The following BMPR2 variants were observed in gnomAD, a reference collection of about 807,000 sequenced individuals.
The protein encoded by BMPR2 is bone morphogenetic protein receptor type-2.
In BMPR2, 29 loss-of-function variants were observed where a neutral mutation model predicts 100.8. The observed-to-expected ratio is 0.29, with a 90% CI of 0.21 to 0.39. The LOEUF (loss-of-function observed/expected upper bound fraction) is 0.39. Ranked by LOEUF, BMPR2 falls within the 10% of genes least tolerant of loss-of-function variation. The pLI is 1.00. For synonymous variants in BMPR2, 382 were observed against 442.3 expected (o/e 0.86, Z 1.71); for missense variants, 1,011 against 1,274.5 (o/e 0.79, Z 3.15).
chr2:202,494,098 C>T (rs1375179057), intron 3 of BMPR2, among the ~76,000 whole-genome samples: 1 of 152,148 alleles, frequency 6.6e-6, no homozygotes, highest in Non-Finnish European at 1.5e-5. Context: ...ACGTTTATTT[C>T]CTATAAAAAC....
intron 7 of BMPR2, among the ~76,000 whole-genome samples, chr2:202,523,709 C>A (rs1003196906): frequency 5.3e-5 from 8 of 152,116 alleles, no homozygotes; most frequent in African/African-American, 1.9e-4. Context: ...GAGGCTGAGG[C>A]AGGAGAATCT....
At chr2:202,478,587 C>T (rs1045876244) in intron 3 of BMPR2, among the ~76,000 whole-genome samples, 1 of 152,036 alleles carries the variant, frequency 6.6e-6, no homozygotes, top group South Asian at 2.1e-4. Context: ...CACTCTACTG[C>T]ACTCCAGGTG....
In BMPR2 at chr2:202,555,469, G is replaced by A; in HGVS notation, c.1804G>A (p.Glu602Lys). The change falls in exon 12 of 13, where the codon GAA (glutamate) becomes AAA (lysine). Residue 602 changes from glutamate to lysine, a missense_variant. This residue lies in a region of BMPR2 where 508 missense variants were observed against 552.0 expected (regional missense o/e 0.92). Coordinates refer to ENST00000374580, the MANE Select transcript of BMPR2 (RefSeq NM_001204.7). ...QQAQARIPSPETSVTSLSTNT... is the reference protein window; with the variant it reads ...QQAQARIPSPKTSVTSLSTNT... The stretch of plus-strand genomic sequence containing the variant: ...AGCACAAGCTCGAATCCCCAGCCCT[G>A]AAACAAGTGTCACCAGCCTCTCCAC... 11 of 1,614,034 alleles carry A rather than the reference G, an allele frequency of 6.8e-6. No individual in the cohort carries two copies. The highest frequency in any genetic ancestry group is 9.3e-6 in the Non-Finnish European group (11 of 1,180,006).
At chr2:202,469,665 G>C (rs1350548039) in intron 3 of BMPR2, 2 of 157,308 alleles carry the variant, frequency 1.3e-5, no homozygotes, top group African/African-American at 4.8e-5. Flanking sequence ...ATTTAGTAGA[G>C]ATGGGGTTTC....
intron 3 of BMPR2, among the ~76,000 whole-genome samples, chr2:202,504,678 C>CTTTTTTTTTTTTTTTTTTTTTT (rs144161668): frequency 1.8e-5 from 2 of 112,474 alleles, no homozygotes; most frequent in African/African-American, 6.9e-5. Flanking sequence ...ATAGTAGATT[C>CTTTTTTTTTTTTTTTTTTTTTT]TTTTTTTTTT....
chr2:202,492,571 G>A, intron 3 of BMPR2, among the ~76,000 whole-genome samples: 1 of 151,408 alleles, frequency 6.6e-6, no homozygotes, highest in East Asian at 1.9e-4. Flanking sequence ...GTGGTGGCAG[G>A]CACCTCTAAT....
At chr2:202,382,894 T>C (rs1053384952) in intron 1 of BMPR2, among the ~76,000 whole-genome samples, 3 of 152,178 alleles carry the variant, frequency 2.0e-5, no homozygotes, top group African/African-American at 7.2e-5. Flanking sequence ...TGAATCCAAA[T>C]CTCTGGACAA....
chr2:202,437,770 C>T (rs564737469), intron 1 of BMPR2, among the ~76,000 whole-genome samples: 2 of 150,566 alleles, frequency 1.3e-5, no homozygotes, highest in Non-Finnish European at 2.9e-5. Context: ...TTTCAGGGTC[C>T]ATCCATGTTG....
chr2:202,534,552 T>C (rs1688091565), intron 9 of BMPR2, among the ~76,000 whole-genome samples: 1 of 152,204 alleles, frequency 6.6e-6, no homozygotes, highest in African/African-American at 2.4e-5. Flanking sequence ...ACACAGCACA[T>C]GTTTCAGAGA....
intron 3 of BMPR2, among the ~76,000 whole-genome samples, chr2:202,469,789 GTATTTCA>G (rs1343600212): frequency 1.3e-5 from 2 of 151,766 alleles, no homozygotes; most frequent in Non-Finnish European, 1.5e-5. Flanking sequence ...GGCCCCAATT[GTATTTCA>G]TATTACTATA....
chr2:202,520,503 A>G (rs1687801158), intron 7 of BMPR2: 1 of 392,966 alleles, frequency 2.5e-6, no homozygotes, highest in Non-Finnish European at 4.7e-6. Flanking sequence ...GAGGACATCA[A>G]CATTTCTGGC....
intron 1 of BMPR2, among the ~76,000 whole-genome samples, chr2:202,418,637 T>C (rs888518857): frequency 3.3e-5 from 5 of 152,176 alleles, no homozygotes; most frequent in Non-Finnish European, 7.4e-5. Flanking sequence ...TTCCAGGTCA[T>C]AGGCAGATTC....
At chr2:202,502,175 G>A (rs11900762) in intron 3 of BMPR2, among the ~76,000 whole-genome samples, 299 of 152,378 alleles carry the variant, frequency 2.0e-3, no homozygotes, top group African/African-American at 6.7e-3. Flanking sequence ...AATATGGAAA[G>A]AGAGGGAGTT....
chr2:202,534,716 G>T, intron 9 of BMPR2, among the ~76,000 whole-genome samples: 1 of 151,754 alleles, frequency 6.6e-6, no homozygotes, highest in Non-Finnish European at 1.5e-5. Context: ...CACCTTTCCC[G>T]CCTTTCTATT....
intron 1 of BMPR2, among the ~76,000 whole-genome samples, chr2:202,400,948 A>G (rs1690759628): frequency 6.6e-6 from 1 of 152,222 alleles, no homozygotes; most frequent in Non-Finnish European, 1.5e-5. Flanking sequence ...CTTGATTTAG[A>G]TAAAATGGTT....
intron 1 of BMPR2, among the ~76,000 whole-genome samples, chr2:202,384,528 T>TTC (rs370667963): frequency 1.0e-5 from 1 of 96,832 alleles, no homozygotes; most frequent in Non-Finnish European, 2.2e-5. Flanking sequence ...CTTTCTTTCT[T>TTC]TCTCTTTCTT....
At chr2:202,416,653 T>C (rs1559031684) in intron 1 of BMPR2, among the ~76,000 whole-genome samples, 1 of 151,350 alleles carries the variant, frequency 6.6e-6, no homozygotes, top group Non-Finnish European at 1.5e-5. Context: ...CTCTATGTCT[T>C]GACCTCGTGA....
chr2:202,414,301 T>A (rs1691078822), intron 1 of BMPR2, among the ~76,000 whole-genome samples: 1 of 152,216 alleles, frequency 6.6e-6, no homozygotes, highest in Admixed American at 6.5e-5. Context: ...AATAAATGTT[T>A]GTGTTCTGAC....
At chr2:202,436,653 T>C (rs932052112) in intron 1 of BMPR2, among the ~76,000 whole-genome samples, 2 of 150,686 alleles carry the variant, frequency 1.3e-5, no homozygotes, top group African/African-American at 5.0e-5. Context: ...ATGTTACAGG[T>C]AGGATGAATT....
Sources: gnomAD v4.1 joint callset for allele counts (sites outside exome capture counted in the v4.1 genomes callset) on GRCh38, gnomAD v4.1.1 for gene constraint, gnomAD v4.1.1 regional missense constraint, MANE v1.5 for transcripts, NCBI Gene and HGNC (gene_info 2026-07-23, HGNC 2026-07-21) for gene names.